Variants in MIA2 observed in about 807,000 individuals in gnomAD.
The protein encoded by MIA2 is MIA SH3 domain ER export factor 2, also known as melanoma inhibitory activity protein 2.
In MIA2, 127 loss-of-function variants were observed where a neutral mutation model predicts 167.8. That is an observed-to-expected ratio of 0.76 (90% CI 0.66 to 0.88). The LOEUF (loss-of-function observed/expected upper bound fraction) is 0.88, where lower values mean the gene tolerates loss of function less well. Among genes scored for constraint, MIA2 ranks in the 40% least tolerant of loss-of-function variants. The pLI is 0.00. For synonymous variants in MIA2, 552 were observed against 541.9 expected (o/e 1.02, Z -0.26); for missense variants, 1,690 against 1,624.7 (o/e 1.04, Z -0.69).
chr14:39,237,558 A>G (rs929059163), intron 2 of MIA2, among the ~76,000 whole-genome samples: 1 of 152,220 alleles, frequency 6.6e-6, no homozygotes, highest in Admixed American at 6.5e-5. Context: ...ATTTCTATAA[A>G]AGAGGCTTTT....
At chr14:39,316,228 T>G (rs377693081) in intron 21 of MIA2, among the ~76,000 whole-genome samples, 3 of 152,328 alleles carry the variant, frequency 2.0e-5, no homozygotes, top group African/African-American at 7.2e-5. Context: ...AGGAACTAAC[T>G]GTGTGAGGAA....
At chr14:39,238,734 C>T (rs530139870) in intron 2 of MIA2, among the ~76,000 whole-genome samples, 57 of 132,748 alleles carry the variant, frequency 4.3e-4, no homozygotes, top group African/African-American at 1.6e-3. Context: ...GTAGAGGCTG[C>T]AGTGAACCAT....
intron 25 of MIA2, among the ~76,000 whole-genome samples, chr14:39,334,058 C>T (rs956559850): frequency 6.6e-6 from 1 of 152,184 alleles, no homozygotes; most frequent in Non-Finnish European, 1.5e-5. Context: ...TAAATGACTC[C>T]TGAGGCTCTA....
chr14:39,293,859 T>G (rs1595180923), intron 11 of MIA2, 141 bp from the exon 12 acceptor site: 1 of 651,376 alleles, frequency 1.5e-6, no homozygotes, highest in East Asian at 2.9e-5. Context: ...TTTTAGCATA[T>G]GGCTAAATAA....
intron 6 of MIA2, chr14:39,267,641 C>T (rs1215379285): frequency 2.5e-6 from 3 of 1,181,038 alleles, no homozygotes; most frequent in African/African-American, 1.5e-5. Flanking sequence ...CGAAGCCAGT[C>T]CTCGTCTGCT....
chr14:39,302,315 C>G lies in MIA2; in HGVS notation c.2740+66C>G, dbSNP rs557254245. On this transcript the variant is annotated intron_variant, in intron 15 of 28. Transcript: ENST00000640607. ...CTAGCTCTTCTATTTCCTTTTCGTT[C>G]CCTGTGTGCACCATGTTCTTTATAT... 3 of 1,558,926 alleles carry G rather than the reference C, an allele frequency of 1.9e-6. No homozygotes were observed. The Admixed American group carries it at 5.1e-5, about 27-fold the overall frequency.
chr14:39,354,637 T>G (rs1000229677), downstream of MIA2, among the ~76,000 whole-genome samples: 2 of 152,226 alleles, frequency 1.3e-5, no homozygotes, highest in Non-Finnish European at 2.9e-5. Flanking sequence ...TCCTTGCCCA[T>G]GCCTATGTCC....
At chr14:39,334,299 A>G (rs2069743988) in intron 25 of MIA2, among the ~76,000 whole-genome samples, 1 of 151,932 alleles carries the variant, frequency 6.6e-6, no homozygotes, top group Admixed American at 6.5e-5. Flanking sequence ...ACATGGCAAA[A>G]CCCTGTTCCT....
At chr14:39,312,149 A>G (rs769455121) in intron 18 of MIA2, among the ~76,000 whole-genome samples, 1 of 152,168 alleles carries the variant, frequency 6.6e-6, no homozygotes, top group African/African-American at 2.4e-5. Context: ...TTTTTAAGTC[A>G]TATCATCAGG....
chr14:39,274,991 C>G (rs934250556), intron 6 of MIA2, among the ~76,000 whole-genome samples: 15 of 149,578 alleles, frequency 1.0e-4, no homozygotes, highest in Non-Finnish European at 2.1e-4. Context: ...AGGAGAATTG[C>G]TTGAACCCAG....
chr14:39,254,703 TG>T (rs571096051), intron 6 of MIA2, among the ~76,000 whole-genome samples: 1 of 152,296 alleles, frequency 6.6e-6, no homozygotes, highest in South Asian at 2.1e-4. Context: ...TCTGGATTTT[TG>T]TGTGTGAAAT....
chr14:39,327,076 A>G (rs1020828897), intron 25 of MIA2, 54 bp downstream of exon 25: 2 of 1,330,878 alleles, frequency 1.5e-6, no homozygotes, highest in Admixed American at 2.9e-5. Flanking sequence ...GGGATGTGGA[A>G]TACACAGGAA....
chr14:39,352,540 A>G (rs182419827), downstream of MIA2, among the ~76,000 whole-genome samples: 14 of 152,116 alleles, frequency 9.2e-5, no homozygotes, highest in East Asian at 2.7e-3. Flanking sequence ...AATTTGGAGT[A>G]TAGTCACCTC....
At position 39,317,088 on chromosome 14, in the gene MIA2, C is replaced by A. The variant is rs557342879; in HGVS notation, c.3217-856C>A. On this transcript the variant is annotated intron_variant, in intron 21 of 28. Coordinates refer to ENST00000640607, the MANE Select transcript of MIA2 (RefSeq NM_001329214.4). The stretch of plus-strand genomic sequence containing the variant: ...CAGTTAAGCAGTTGGATATAAAGAT[C>A]GGGACAGCCAGATGACACCTAGGAT... 3.0e-4 allele frequency among the ~76,000 whole-genome samples: 45 copies of A among 152,160 alleles called. No individual in the cohort carries two copies. The South Asian group carries it at 9.1e-3, about 31-fold the overall frequency.
intron 24 of MIA2, among the ~76,000 whole-genome samples, chr14:39,323,609 C>T (rs569043900): frequency 8.1e-4 from 124 of 152,162 alleles, no homozygotes; most frequent in Non-Finnish European, 1.3e-3. Flanking sequence ...AATTTTATCC[C>T]GTTTCATTAA....
At chr14:39,382,674 T>G (rs1449483964) in intron 23 of MIA2, among the ~76,000 whole-genome samples, 1 of 152,230 alleles carries the variant, frequency 6.6e-6, no homozygotes, top group Non-Finnish European at 1.5e-5. Context: ...AGTGGAGATA[T>G]TTGACCTTTA....
At position 39,315,711 on chromosome 14, in the gene MIA2, A is replaced by C. The variant is rs755963772; in HGVS notation, c.3209A>C (p.Asp1070Ala). 6.4e-7 allele frequency: 1 copy of C among 1,551,616 alleles called. No individual in the cohort carries two copies. The highest frequency in any genetic ancestry group is 2.3e-5 in the East Asian group (1 of 44,098). The change falls in exon 21 of 29, where the codon GAT becomes GCT. Residue 1070 changes from aspartate to alanine, a missense_variant. Asp to Ala is a moderately radical substitution (Grantham distance 126). Coordinates refer to ENST00000640607, the MANE Select transcript of MIA2 (RefSeq NM_001329214.4). The part of the protein sequence containing the change: ...QIISHEKKAH[D>A]NWLAARNAER... ...ATTTCCCATGAGAAAAAAGCACATGATAATTGGGTAAGTTTAAAATTTCCT... is the reference window on the plus strand; with the variant it reads ...ATTTCCCATGAGAAAAAAGCACATGCTAATTGGGTAAGTTTAAAATTTCCT...
rs111279299 is a variant in MIA2 at position 39,237,704 on chromosome 14, C to T, written c.249+649C>T. Among the ~76,000 whole-genome samples the T allele has an allele frequency of 4.4e-3, 664 of 151,976 alleles. 9 individuals carry two copies. Among genetic ancestry groups the T allele is most frequent in the African/African-American group, 0.015 (621 of 41,482 alleles). The stretch of plus-strand genomic sequence containing the variant: ...CATATTATGGGATGGCTAGGCAACC[C>T]CAGTCATTTCTTGGTGCTGCCAATG... On this transcript the variant is annotated intron_variant, in intron 2 of 28. Coordinates refer to ENST00000640607, the MANE Select transcript of MIA2 (RefSeq NM_001329214.4).
intron 10 of MIA2, 31 bp downstream of exon 10, chr14:39,291,127 C>A: frequency 2.6e-6 from 4 of 1,549,578 alleles, no homozygotes; most frequent in African/African-American, 1.4e-5. Context: ...ATTTTAAAAG[C>A]TGGGGAAAAA....
Sources: gnomAD v4.1 joint callset for allele counts (sites outside exome capture counted in the v4.1 genomes callset) on GRCh38, gnomAD v4.1.1 for gene constraint, MANE v1.5 for transcripts, NCBI Gene and HGNC (gene_info 2026-07-23, HGNC 2026-07-21) for gene names.